Variants in WARS1 observed in about 807,000 individuals in gnomAD.
The protein encoded by WARS1 is tryptophan--tRNA ligase, cytoplasmic.
Under a neutral mutation model 47.8 loss-of-function variants are expected in WARS1, and 17 were observed. The ratio of observed to expected loss-of-function variants is 0.36; its 90% CI spans 0.24 to 0.53. The LOEUF is 0.53. Among genes scored for constraint, WARS1 ranks in the 20% least tolerant of loss-of-function variants. WARS1 has a pLI of 0.91. For synonymous variants in WARS1, 208 were observed against 228.1 expected, an observed-to-expected ratio of 0.91 and a Z score of 0.79; for missense variants, 434 against 608.0, an observed-to-expected ratio of 0.71 and a Z score of 3.01.
intron 2 of WARS1, among the ~76,000 whole-genome samples, chr14:100,365,121 A>AT (rs1895876989): frequency 3.0e-5 from 4 of 131,690 alleles, no homozygotes; most frequent in South Asian, 5.4e-4. Context: ...CTGTCTCAAA[A>AT]AATACACACA....
At chr14:100,368,293 G>T (rs1896131432) in intron 2 of WARS1, 1 of 355,516 alleles carries the variant, frequency 2.8e-6, no homozygotes, top group Non-Finnish European at 5.6e-6. Context: ...GAGAAAGTTA[G>T]AGTACTCATT....
intron 6 of WARS1, among the ~76,000 whole-genome samples, chr14:100,350,025 T>C (rs963376624): frequency 3.9e-5 from 6 of 152,226 alleles, no homozygotes; most frequent in Non-Finnish European, 7.3e-5. Flanking sequence ...CAATATAAAA[T>C]GCCTTTCAAG....
At chr14:100,357,603 A>G (rs977197280) in intron 4 of WARS1, among the ~76,000 whole-genome samples, 3 of 151,914 alleles carry the variant, frequency 2.0e-5, no homozygotes, top group African/African-American at 7.3e-5. Flanking sequence ...CTGGGATTAC[A>G]GGCGCCCACC....
intron 2 of WARS1, among the ~76,000 whole-genome samples, chr14:100,362,332 T>C (rs1895711427): frequency 6.6e-6 from 1 of 152,178 alleles, no homozygotes; most frequent in South Asian, 2.1e-4. Flanking sequence ...GAGTTCTGCA[T>C]TGGAACTAGT....
chr14:100,345,357 C>CT (rs1894527995), intron 7 of WARS1, among the ~76,000 whole-genome samples: 1 of 152,142 alleles, frequency 6.6e-6, no homozygotes, highest in Admixed American at 6.5e-5. Context: ...GATCTGTGAC[C>CT]TTACCCCCAA....
chr14:100,350,755 C>CTTACTCAGCT (rs1441855566), intron 6 of WARS1, among the ~76,000 whole-genome samples: 1 of 152,182 alleles, frequency 6.6e-6, no homozygotes, highest in Admixed American at 6.5e-5. Context: ...AACTATGTGT[C>CTTACTCAGCT]TTACTCAGCT....
intron 1 of WARS1, among the ~76,000 whole-genome samples, chr14:100,371,713 C>T (rs555044031): frequency 1.3e-5 from 2 of 152,026 alleles, no homozygotes; most frequent in Non-Finnish European, 2.9e-5. Context: ...CCAACCTGGG[C>T]AACAGAGAGA....
Position 100,337,031 on chromosome 14 carries a change from C to T in WARS1, c.1254+31G>A, listed in dbSNP as rs199665602. On this transcript the variant is annotated intron_variant, in intron 10 of 10. Coordinates refer to ENST00000392882, the MANE Select transcript of WARS1 (RefSeq NM_004184.4). ...ATGGGCAGGAGTGGGTGGCAGAAGG[C>T]GGCTGTGGGCCCTTGGGGTTCCCTG... 2.6e-5 allele frequency: 41 copies of T among 1,599,690 alleles called. No homozygotes were observed. In the South Asian group the frequency reaches 2.9e-4, roughly 11 times the overall value.
intron 9 of WARS1, among the ~76,000 whole-genome samples, chr14:100,339,544 T>C (rs1209963674): frequency 1.5e-5 from 2 of 137,164 alleles, no homozygotes; most frequent in African/African-American, 5.4e-5. Flanking sequence ...TGAGCCGAGA[T>C]TGTGCCACTG....
intron 5 of WARS1, 74 bp from the exon 6 acceptor site, chr14:100,353,943 A>C: frequency 7.2e-7 from 1 of 1,384,386 alleles, no homozygotes; most frequent in Admixed American, 2.1e-5. Flanking sequence ...ATCTGAAAAC[A>C]CAGCTCCTAC....
intron 7 of WARS1, among the ~76,000 whole-genome samples, chr14:100,345,665 A>G (rs952389483): frequency 3.5e-4 from 5 of 14,454 alleles, no homozygotes; most frequent in Non-Finnish European, 1.7e-3. Context: ...CAATAAAAAT[A>G]AATAAATAAA....
chr14:100,339,438 A>G (rs1169233215), intron 9 of WARS1, among the ~76,000 whole-genome samples: 1 of 151,950 alleles, frequency 6.6e-6, no homozygotes, highest in African/African-American at 2.4e-5. Flanking sequence ...AAAATACAAA[A>G]AATTAGCTGG....
intron 5 of WARS1, 38 bp downstream of exon 5, chr14:100,354,409 C>A: frequency 6.2e-7 from 1 of 1,601,616 alleles, no homozygotes; most frequent in Non-Finnish European, 8.5e-7. Context: ...TCTCAATTCA[C>A]TAAGAGAGTA....
intron 9 of WARS1, among the ~76,000 whole-genome samples, chr14:100,337,688 CAAAAAAA>C (rs35725702): frequency 1.7e-5 from 2 of 114,442 alleles, no homozygotes; most frequent in Admixed American, 9.3e-5. Flanking sequence ...TCCTCTCTGC[CAAAAAAA>C]AAAAAAAAAA....
At chr14:100,374,964 G>A (rs1190326427) in intron 1 of WARS1, 1 of 152,106 alleles carries the variant, frequency 6.6e-6, no homozygotes, top group African/African-American at 2.4e-5. Flanking sequence ...AGCCAGGCAC[G>A]AGACACTTTT....
intron 4 of WARS1, among the ~76,000 whole-genome samples, chr14:100,354,989 G>C (rs760020140): frequency 1.5e-4 from 23 of 152,142 alleles, no homozygotes; most frequent in South Asian, 2.1e-4. Flanking sequence ...AGACAGTCCT[G>C]GCTTAGCAGG....
At chr14:100,343,202 C>T in intron 8 of WARS1, 73 bp downstream of exon 8, 1 of 1,300,888 alleles carries the variant, frequency 7.7e-7, no homozygotes, top group Non-Finnish European at 1.1e-6. Context: ...CAATACCTCT[C>T]CCCGCTGAAG....
rs751118709 is a variant in WARS1 at position 100,361,925 on chromosome 14, A to G, written c.100-4T>C. On this transcript the variant is annotated splice_polypyrimidine_tract_variant and splice_region_variant and intron_variant, in intron 2 of 10. Transcript: ENST00000392882. ...TTACTGCAGAATCAATTTCATCCTGAGAGAGGAAATAAAAGGGATGGCTAA... is the reference window on the plus strand; with the variant it reads ...TTACTGCAGAATCAATTTCATCCTGGGAGAGGAAATAAAAGGGATGGCTAA... The G allele has an allele frequency of 1.2e-6, 2 of 1,613,748 alleles. No individual in the cohort carries two copies. Among genetic ancestry groups the G allele is most frequent in the East Asian group, 4.5e-5 (2 of 44,872 alleles).
At chr14:100,338,838 G>A (rs970409024) in intron 9 of WARS1, among the ~76,000 whole-genome samples, 1 of 151,862 alleles carries the variant, frequency 6.6e-6, no homozygotes, top group East Asian at 1.9e-4. Context: ...CGGGTGCAGT[G>A]GCTCACACCT....
Sources: gnomAD v4.1 joint callset for allele counts (sites outside exome capture counted in the v4.1 genomes callset) on GRCh38, gnomAD v4.1.1 for gene constraint, MANE v1.5 for transcripts, NCBI Gene and HGNC (gene_info 2026-07-23, HGNC 2026-07-21) for gene names.